The following AOX1 variants were observed in gnomAD, a reference collection of about 807,000 sequenced individuals.
AOX1 encodes the protein aldehyde oxidase.
A neutral mutation model predicts 169.5 loss-of-function variants in AOX1; 153 were observed. The observed-to-expected ratio is 0.90, with a 90% confidence interval of 0.79 to 1.03. The LOEUF is 1.03. AOX1 is among the 50% of genes least tolerant of loss of function. The pLI is 0.00. For missense variants in AOX1, 1,656 were observed against 1,663.9 expected (o/e 1.00, Z 0.08); for synonymous variants, 562 against 581.9 (o/e 0.97, Z 0.49).
chr2:200,591,951 G>A (rs1308882869), intron 1 of AOX1, among the ~76,000 whole-genome samples: 1 of 152,078 alleles, frequency 6.6e-6, no homozygotes, highest in Non-Finnish European at 1.5e-5. Context: ...AGAACTTGGT[G>A]ACACTGATTG....
chr2:200,614,060 A>T, intron 15 of AOX1, 94 bp downstream of exon 15: 1 of 1,207,708 alleles, frequency 8.3e-7, no homozygotes, highest in South Asian at 1.5e-5. Flanking sequence ...TAGCTGTAGA[A>T]TAAAAAAGAC....
At chr2:200,660,148 G>T in intron 29 of AOX1, 79 bp downstream of exon 29, 1 of 1,183,698 alleles carries the variant, frequency 8.4e-7, no homozygotes, top group Non-Finnish European at 1.2e-6. Flanking sequence ...TGCATTAATT[G>T]AAATCTGTAG....
At chr2:200,626,545 T>G (rs1390150289) in intron 19 of AOX1, among the ~76,000 whole-genome samples, 1 of 152,270 alleles carries the variant, frequency 6.6e-6, no homozygotes, top group East Asian at 1.9e-4. Context: ...TTATTGTAAC[T>G]ACATCTCTGG....
chr2:200,603,296 TGG>T lies in AOX1; in HGVS notation c.531_532del (p.Val178LeufsTer14). On this transcript the variant is annotated frameshift_variant, in exon 7 of 35. Transcript: ENST00000374700. LOFTEE classifies it high-confidence loss of function. ...CGGGCTGCTGTCAAAGTAAAGAAAA[TGG>T]GGTTTGCTGTTTGGATCAAGGAATC... Reference protein sequence around the residue: ...TSGCCQSKENGVCCLDQGING... With the variant: ...TSGCCQSKENXVCCLDQGING... 5 of 1,613,908 alleles carry T rather than the reference TGG, an allele frequency of 3.1e-6. No individual in the cohort carries two copies. Among genetic ancestry groups the T allele is most frequent in the Non-Finnish European group, 4.2e-6 (5 of 1,179,934 alleles).
intron 4 of AOX1, chr2:200,676,785 A>G (rs1410163654): frequency 7.4e-6 from 3 of 405,344 alleles, no homozygotes; most frequent in Non-Finnish European, 1.5e-5. Flanking sequence ...GGTTGGGAAC[A>G]TAGACAGACA....
chr2:200,681,732 G>C (rs2036153875), downstream of AOX1, among the ~76,000 whole-genome samples: 1 of 152,196 alleles, frequency 6.6e-6, no homozygotes, highest in Non-Finnish European at 1.5e-5. Flanking sequence ...TTACATTCTT[G>C]GCACCATATC....
intron 25 of AOX1, among the ~76,000 whole-genome samples, chr2:200,646,209 T>C (rs2035450006): frequency 6.6e-6 from 1 of 152,166 alleles, no homozygotes; most frequent in Non-Finnish European, 1.5e-5. Context: ...GCTATGAACT[T>C]TCCTCTTAGC....
At chr2:200,606,077 G>T (rs2034508495) in intron 10 of AOX1, among the ~76,000 whole-genome samples, 2 of 152,116 alleles carry the variant, frequency 1.3e-5, no homozygotes. Flanking sequence ...TGTCCTGAAT[G>T]GTATTGCCTA....
intron 16 of AOX1, among the ~76,000 whole-genome samples, chr2:200,618,640 T>C (rs1009200695): frequency 6.6e-6 from 1 of 152,176 alleles, no homozygotes; most frequent in Non-Finnish European, 1.5e-5. Flanking sequence ...GAATCTCTGA[T>C]CTCTATCTCC....
chr2:200,606,292 G>C (rs2034512290), intron 10 of AOX1, among the ~76,000 whole-genome samples: 1 of 152,154 alleles, frequency 6.6e-6, no homozygotes, highest in Non-Finnish European at 1.5e-5. Flanking sequence ...TCAGATGGTT[G>C]TGGATGTGTG....
intron 20 of AOX1, among the ~76,000 whole-genome samples, chr2:200,629,215 C>T (rs1159910718): frequency 6.6e-6 from 1 of 152,156 alleles, no homozygotes; most frequent in Admixed American, 6.5e-5. Context: ...TTTTCCTTGG[C>T]ATTGTGTCTT....
intron 10 of AOX1, among the ~76,000 whole-genome samples, chr2:200,607,289 G>C (rs2034535775): frequency 6.6e-6 from 1 of 152,132 alleles, no homozygotes; most frequent in Non-Finnish European, 1.5e-5. Context: ...TACATTTATT[G>C]ATTTGCATAT....
At chr2:200,677,747 G>T (rs1267619009), downstream of AOX1, among the ~76,000 whole-genome samples, 4 of 152,202 alleles carry the variant, frequency 2.6e-5, no homozygotes, top group Admixed American at 6.5e-5. Flanking sequence ...TCTATGACTA[G>T]AATTGGTGCT....
chr2:200,611,556 G>A, intron 13 of AOX1, 63 bp downstream of exon 13: 1 of 1,054,262 alleles, frequency 9.5e-7, no homozygotes, highest in Non-Finnish European at 1.5e-6. Context: ...GTTTATTCCA[G>A]TATATGGTGG....
At chr2:200,649,971 C>T (rs1259507662) in intron 25 of AOX1, among the ~76,000 whole-genome samples, 1 of 152,230 alleles carries the variant, frequency 6.6e-6, no homozygotes, top group East Asian at 1.9e-4. Flanking sequence ...CAGCGGGCAG[C>T]TGGCACAGCA....
intron 21 of AOX1, 54 bp downstream of exon 21, chr2:200,634,969 A>G (rs900914681): frequency 2.4e-5 from 38 of 1,597,284 alleles, no homozygotes; most frequent in Non-Finnish European, 3.2e-5. Flanking sequence ...TGGCCAGTGA[A>G]ATATATCAAG....
chr2:200,630,210 TAAAAAAAAAAAAAAAAA>T (rs57410809), intron 20 of AOX1, among the ~76,000 whole-genome samples: 2 of 95,566 alleles, frequency 2.1e-5, no homozygotes, highest in African/African-American at 9.1e-5. Context: ...TCCTTCTATT[TAAAAAAAAAAAAAAAAA>T]AAAAAAAAAA....
Position 200,641,138 on chromosome 2 carries a change from T to C in AOX1, c.2609T>C (p.Met870Thr), listed in dbSNP as rs1292980564. Residue 870 changes from methionine to threonine, a missense_variant, in exon 24 of 35, where the codon ATG becomes ACG. Coordinates refer to ENST00000374700, the MANE Select transcript of AOX1 (RefSeq NM_001159.4). The part of the protein sequence containing the change: ...MNDGRILALD[M>T]EHYSNAGASL... Reference sequence around the variant, plus strand: ...GATGGCAGAATCTTGGCCCTGGACATGGAGCATTACAGCAATGCAGGCGCC... The same window carrying C: ...GATGGCAGAATCTTGGCCCTGGACACGGAGCATTACAGCAATGCAGGCGCC... 14 of 1,613,532 alleles carry C rather than the reference T, an allele frequency of 8.7e-6. No homozygotes were observed. Among genetic ancestry groups the C allele is most frequent in the Non-Finnish European group, 1.2e-5 (14 of 1,179,620 alleles).
At chr2:200,617,481 CAAAA>C (rs35035526) in intron 16 of AOX1, among the ~76,000 whole-genome samples, 4 of 58,208 alleles carry the variant, frequency 6.9e-5, no homozygotes, top group Non-Finnish European at 1.0e-4. Flanking sequence ...CAACTAACTG[CAAAA>C]AAAAAAAAAA....
Sources: allele counts gnomAD v4.1 joint callset (sites outside exome capture counted in the v4.1 genomes callset), GRCh38; gene constraint gnomAD v4.1.1; transcripts MANE v1.5; gene names NCBI Gene and HGNC (gene_info 2026-07-23, HGNC 2026-07-21).